The following TMBIM1 variants were observed in gnomAD, a reference collection of about 807,000 sequenced individuals.
TMBIM1 encodes the protein protein lifeguard 3.
A neutral mutation model predicts 45.1 loss-of-function variants in TMBIM1; 34 were observed. The ratio of observed to expected loss-of-function variants is 0.75; its 90% confidence interval spans 0.57 to 1.00. The LOEUF is 1.00. Among genes scored for constraint, TMBIM1 ranks in the 50% least tolerant of loss-of-function variants. TMBIM1 has a pLI of 0.00. For missense variants in TMBIM1, 374 were observed against 402.4 expected (o/e 0.93, Z 0.60); for synonymous variants, 157 against 153.5 (o/e 1.02, Z -0.17).
At position 218,279,060 on chromosome 2, in the gene TMBIM1, C is replaced by T; in HGVS notation, c.400G>A (p.Val134Met). ...EPVSAFVRRN[V>M]AVYYVSYAVF... ...CACTAGGACACGTAGTAGACAGCCA[C>T]ATTTCTCCTCACAAAGGCGCTGACA... Residue 134 changes from valine (V) to methionine (M), a missense_variant, in exon 5 of 12, where the codon GTG becomes ATG. Coordinates refer to ENST00000258412, the MANE Select transcript of TMBIM1 (RefSeq NM_022152.6). The T allele has an allele frequency of 6.2e-7, 1 of 1,614,164 alleles. No individual in the cohort carries two copies. Among genetic ancestry groups the T allele is most frequent in the South Asian group, 1.1e-5 (1 of 91,084 alleles).
In TMBIM1 at chr2:218,277,999, T is replaced by C. The variant is rs375623883; in HGVS notation, c.474-25A>G. 5.9e-5 allele frequency: 96 copies of C among 1,613,688 alleles called. No homozygotes were observed. In the African/African-American group the frequency reaches 1.1e-3, roughly 19 times the overall value. ...TCTGAAGGGAAAGAGAAGCCTTGAT[T>C]AAATGACTTGGGGCCCCTCAGGCGT... On this transcript the variant is annotated intron_variant, in intron 6 of 11. Transcript: ENST00000258412.
At chr2:218,277,337 G>A (rs767042796) in intron 9 of TMBIM1, 29 bp downstream of exon 9, 1 of 1,602,966 alleles carries the variant, frequency 6.2e-7, no homozygotes. Flanking sequence ...GGAGTCGGGG[G>A]GCCAGGGAAG....
In TMBIM1 at chr2:218,281,959, G is replaced by A. The variant is rs1223291303; in HGVS notation, c.183C>T (p.His61=). 11 of 1,600,506 alleles carry A rather than the reference G, an allele frequency of 6.9e-6. No individual in the cohort carries two copies. Among genetic ancestry groups the A allele is most frequent in the African/African-American group, 1.3e-5 (1 of 74,696 alleles). Residue 61 remains histidine (H), a synonymous_variant, in exon 2 of 12, where the codon CAC becomes CAT. Coordinates refer to ENST00000258412, the MANE Select transcript of TMBIM1 (RefSeq NM_022152.6). The part of the protein sequence containing the change: ...AGYPQPMPPT[H]PMPMNYGPGH... Reference sequence around the variant, plus strand: ...ACTCACCGTAGTTCATGGGCATCGGGTGGGTGGGGGGCATGGGCTGTGGGT... The same window carrying A: ...ACTCACCGTAGTTCATGGGCATCGGATGGGTGGGGGGCATGGGCTGTGGGT...
intron 1 of TMBIM1, among the ~76,000 whole-genome samples, chr2:218,290,524 G>A (rs545998922): frequency 1.1e-4 from 16 of 152,262 alleles, no homozygotes; most frequent in Admixed American, 1.0e-3. Flanking sequence ...AGGATCTCTG[G>A]CGAGGGTCCT....
Position 218,276,062 on chromosome 2 carries a change from C to T in TMBIM1, c.753G>A (p.Met251Ile). The stretch of plus-strand genomic sequence containing the variant: ...AAATGGCCCCCAGAGCAGCATAGAG[C>T]ATGTGGAGCCAGTAAACCTGGAGAA... ...LYFQYVYWLH[M>I]LYAALGAICF... Residue 251 changes from methionine to isoleucine, a missense_variant, in exon 11 of 12, where the codon ATG (methionine) becomes ATA (isoleucine). Coordinates refer to ENST00000258412, the MANE Select transcript of TMBIM1 (RefSeq NM_022152.6). 6.2e-7 allele frequency: 1 copy of T among 1,613,056 alleles called. No individual in the cohort carries two copies. The highest frequency in any genetic ancestry group is 1.1e-5 in the South Asian group (1 of 90,668).
chr2:218,281,818 CA>C, intron 2 of TMBIM1, 121 bp downstream of exon 2: 2 of 872,326 alleles, frequency 2.3e-6, no homozygotes, highest in Admixed American at 5.0e-5. Flanking sequence ...GAGATCTCAA[CA>C]GAGAAGATGA....
rs1691724267 is a variant in TMBIM1, at chr2:218,280,096, C to G, written c.233G>C (p.Arg78Thr). The change falls in exon 3 of 12, where the codon AGA (arginine) becomes ACA (threonine). Residue 78 changes from arginine (R) to threonine (T), a missense_variant. Transcript: ENST00000258412. ...AGGCCCGAAGCTATCACTCACTGCT[C>G]TCTCCTCCCCATCATAGCCATGGCC... is the stretch of plus-strand genomic sequence containing the variant. ...GPGHGYDGEE[R>T]AVSDSFGPGE... 1.2e-6 allele frequency: 2 copies of G among 1,614,010 alleles called. No homozygotes were observed. The highest frequency in any genetic ancestry group is 1.7e-6 in the Non-Finnish European group (2 of 1,179,976).
Position 218,279,966 on chromosome 2 carries a change from C to CT in TMBIM1, c.303+59dup, listed in dbSNP as rs1211204931. The stretch of plus-strand genomic sequence containing the variant: ...CCCTGGGGCTACTGTGGCCTACCCA[C>CT]TTCCCATTCCCACAGCCTGAGGGGC... On this transcript the variant is annotated intron_variant, in intron 3 of 11. Transcript: ENST00000258412. 40 of 1,307,394 alleles carry CT rather than the reference C, an allele frequency of 3.1e-5. 1 individual carries two copies. In the South Asian group the frequency reaches 4.7e-4, roughly 15 times the overall value. The allele number at this position is 1,307,394 out of a possible 1,614,324, so 81.0% of individuals were successfully genotyped here. A position where few individuals can be genotyped will look rare whatever the true frequency, so the allele number is the denominator to read the frequency against.
intron 10 of TMBIM1, 73 bp downstream of exon 10, chr2:218,276,931 G>T: frequency 7.5e-7 from 1 of 1,326,834 alleles, no homozygotes; most frequent in Non-Finnish European, 1.1e-6. Context: ...TTTGGGGCCT[G>T]CGAGACCATG....
At chr2:218,278,913 A>T in intron 5 of TMBIM1, 125 bp downstream of exon 5, 1 of 1,096,628 alleles carries the variant, frequency 9.1e-7, no homozygotes, top group Non-Finnish European at 1.3e-6. Context: ...GGCACGGGAA[A>T]CTGGCACCAA....
intron 2 of TMBIM1, chr2:218,280,471 A>C (rs529658668): frequency 1.6e-5 from 5 of 318,810 alleles, no homozygotes; most frequent in African/African-American, 1.1e-4. Flanking sequence ...AGGGCAGAAC[A>C]GGGGATGGGG....
In TMBIM1 at chr2:218,279,333, C is replaced by A; in HGVS notation, c.324G>T (p.Val108=). Residue 108 remains valine (V), a synonymous_variant, in exon 4 of 12, where the codon GTG becomes GTT. Transcript: ENST00000258412. ...TGATGGCCACAGTGATGAGCAGCTGCACGGAGATGATGGAGTAAACCTGGA... is the reference window on the plus strand; with the variant it reads ...TGATGGCCACAGTGATGAGCAGCTGAACGGAGATGATGGAGTAAACCTGGA... ...FIRKVYSIIS[V]QLLITVAIIA... The A allele has an allele frequency of 6.3e-7, 1 of 1,586,940 alleles. No homozygotes were observed. Among genetic ancestry groups the A allele is most frequent in the Non-Finnish European group, 8.6e-7 (1 of 1,166,834 alleles).
intron 1 of TMBIM1, among the ~76,000 whole-genome samples, chr2:218,290,251 A>G (rs1692845661): frequency 6.6e-6 from 1 of 152,218 alleles, no homozygotes; most frequent in Admixed American, 6.5e-5. Context: ...TCCTGCAGTA[A>G]GCAACCCTGT....
In TMBIM1 at chr2:218,282,168, C is replaced by A. The variant is rs761945183; in HGVS notation, c.-27G>T. 1.2e-5 allele frequency: 17 copies of A among 1,444,598 alleles called. No homozygotes were observed. Among genetic ancestry groups the A allele is most frequent in the Non-Finnish European group, 1.5e-5 (16 of 1,095,666 alleles). The allele number at this position is 1,444,598 out of a possible 1,614,324, so 89.5% of individuals were successfully genotyped here. ...GCTGCTCACGGGCTGAGGGGGAACC[C>A]CAGCTGCTGGGACCTGAAATGGGAG... On this transcript the variant is annotated 5_prime_UTR_variant, in exon 2 of 12. Transcript: ENST00000258412.
At position 218,278,498 on chromosome 2, in the gene TMBIM1, A is replaced by T. The variant is rs1691497540; in HGVS notation, c.473+17T>A. The T allele has an allele frequency of 6.2e-7, 1 of 1,613,426 alleles. No homozygotes were observed. Among genetic ancestry groups the T allele is most frequent in the South Asian group, 1.1e-5 (1 of 91,080 alleles). Reference sequence around the variant, plus strand: ...TCCCTGTCACCCCTCTCACTGTGTTAAGTCTCTGGGACTCACCTGGGTCCC... The same window carrying T: ...TCCCTGTCACCCCTCTCACTGTGTTTAGTCTCTGGGACTCACCTGGGTCCC... On this transcript the variant is annotated intron_variant, in intron 6 of 11. Coordinates refer to ENST00000258412, the MANE Select transcript of TMBIM1 (RefSeq NM_022152.6).
At position 218,282,056 on chromosome 2, in the gene TMBIM1, G is replaced by A. The variant is rs1346858545; in HGVS notation, c.86C>T (p.Pro29Leu). The stretch of plus-strand genomic sequence containing the variant: ...AGGATACCCTCCTGGCAGGACAGAT[G>A]GCTGCCCATAGCCCCCAGGGGGCGG... ...GPPPPGGYGQ[P>L]SVLPGGYPAY... The change falls in exon 2 of 12, where the codon CCA (proline) becomes CTA (leucine). Residue 29 changes from proline to leucine, a missense_variant. Pro to Leu is a moderately conservative substitution (Grantham distance 98). Coordinates refer to ENST00000258412, the MANE Select transcript of TMBIM1 (RefSeq NM_022152.6). 1 of 1,601,644 alleles carries A rather than the reference G, an allele frequency of 6.2e-7. No homozygotes were observed. Among genetic ancestry groups the A allele is most frequent in the Admixed American group, 1.7e-5 (1 of 58,024 alleles).
At chr2:218,289,164 GA>G (rs1300767857) in intron 1 of TMBIM1, among the ~76,000 whole-genome samples, 3 of 152,246 alleles carry the variant, frequency 2.0e-5, no homozygotes, top group Non-Finnish European at 4.4e-5. Flanking sequence ...ACGATAGATA[GA>G]AAGGAGCTGA....
At chr2:218,277,189 T>G (rs1426228962) in intron 9 of TMBIM1, 90 bp from the exon 10 acceptor site, 1 of 1,238,460 alleles carries the variant, frequency 8.1e-7, no homozygotes, top group Non-Finnish European at 1.2e-6. Flanking sequence ...CAGTGCTGCC[T>G]CCTAGGGGGT....
intron 1 of TMBIM1, among the ~76,000 whole-genome samples, chr2:218,290,720 G>C (rs1304544406): frequency 6.6e-6 from 1 of 152,210 alleles, no homozygotes; most frequent in Non-Finnish European, 1.5e-5. Flanking sequence ...TCCCACCAAT[G>C]GAGGTACCTG....
Sources: allele counts gnomAD v4.1 joint callset (sites outside exome capture counted in the v4.1 genomes callset), GRCh38; gene constraint gnomAD v4.1.1; transcripts MANE v1.5; gene names NCBI Gene and HGNC (gene_info 2026-07-23, HGNC 2026-07-21).